SYN2: variants seen among roughly 807,000 people sequenced by gnomAD.
SYN2 encodes the protein synapsin-2.
Under a neutral mutation model 50.9 loss-of-function variants are expected in SYN2, and 19 were observed. The observed-to-expected ratio is 0.37, with a 90% CI of 0.26 to 0.55. SYN2 has a LOEUF of 0.55. Among genes scored for constraint, SYN2 ranks in the 20% least tolerant of loss-of-function variants. The pLI is 0.81. For missense variants in SYN2, 587 were observed against 576.4 expected, an observed-to-expected ratio of 1.02 and a Z score of -0.19; for synonymous variants, 255 against 224.9, an observed-to-expected ratio of 1.13 and a Z score of -1.20.
intron 1 of SYN2, among the ~76,000 whole-genome samples, chr3:12,132,220 T>TA (rs1696811989): frequency 6.6e-6 from 1 of 152,092 alleles, no homozygotes; most frequent in African/African-American, 2.4e-5. Context: ...AGTAACTCTA[T>TA]AAACATTTCA....
At chr3:12,039,115 G>A (rs762651873) in intron 1 of SYN2, among the ~76,000 whole-genome samples, 1 of 152,082 alleles carries the variant, frequency 6.6e-6, no homozygotes, top group Non-Finnish European at 1.5e-5. Flanking sequence ...TATCATGAAA[G>A]GGTGTTGGAT....
At chr3:12,126,859 G>C (rs1000973804) in intron 1 of SYN2, among the ~76,000 whole-genome samples, 2 of 152,190 alleles carry the variant, frequency 1.3e-5, no homozygotes, top group Non-Finnish European at 2.9e-5. Flanking sequence ...TTTGGTGCTT[G>C]TACTTTAGAT....
intron 11 of SYN2, among the ~76,000 whole-genome samples, chr3:12,186,802 A>G (rs1327453894): frequency 6.6e-6 from 1 of 152,214 alleles, no homozygotes; most frequent in African/African-American, 2.4e-5. Flanking sequence ...GAACTTGCTC[A>G]ACCCTATTAT....
intron 1 of SYN2, among the ~76,000 whole-genome samples, chr3:12,131,982 TTTTTTC>T (rs146705889): frequency 0.011 from 1,601 of 151,972 alleles, 34 homozygotes; most frequent in East Asian, 0.091. Flanking sequence ...TCTCTCTGAT[TTTTTTC>T]TTTTTCTTTT....
intron 1 of SYN2, among the ~76,000 whole-genome samples, chr3:12,102,791 C>T (rs1196894105): frequency 6.6e-6 from 1 of 151,998 alleles, no homozygotes; most frequent in Non-Finnish European, 1.5e-5. Context: ...TGGCTTTATG[C>T]TTAGTTTTTT....
intron 1 of SYN2, among the ~76,000 whole-genome samples, chr3:12,126,639 C>G (rs1442658762): frequency 1.3e-5 from 2 of 152,154 alleles, no homozygotes; most frequent in Non-Finnish European, 2.9e-5. Context: ...TTCCTAGTTT[C>G]AAATCCTGAA....
rs941620542 is a variant in SYN2 at position 12,171,219 on chromosome 3, A to T, written c.1308+1313A>T. On this transcript the variant is annotated intron_variant, in intron 10 of 12. Coordinates refer to ENST00000621198, the MANE Select transcript of SYN2 (RefSeq NM_133625.6). Reference sequence around the variant, plus strand: ...AGTTAATTGCCTGTTAGAGATACAAACCCACTATTTAATTACTATATTTAA... The same window carrying T: ...AGTTAATTGCCTGTTAGAGATACAATCCCACTATTTAATTACTATATTTAA... Among the ~76,000 whole-genome samples the T allele has an allele frequency of 2.0e-5, 3 of 152,284 alleles. No individual in the cohort carries two copies. In the East Asian group the frequency reaches 5.8e-4, roughly 29 times the overall value.
At chr3:12,161,784 G>T (rs1260040922) in intron 6 of SYN2, 176 bp downstream of exon 6, 14 of 961,576 alleles carry the variant, frequency 1.5e-5, no homozygotes, top group Non-Finnish European at 2.0e-5. Flanking sequence ...TCAGTAAGCA[G>T]AATGCAAGCC....
At chr3:12,188,671 G>A (rs761865932) in intron 12 of SYN2, among the ~76,000 whole-genome samples, 5 of 152,100 alleles carry the variant, frequency 3.3e-5, no homozygotes, top group African/African-American at 4.8e-5. Flanking sequence ...CCAAGGTTGC[G>A]GGGCTCAGGT....
chr3:12,153,661 G>A, intron 5 of SYN2: 14 of 1,614,222 alleles, frequency 8.7e-6, no homozygotes, highest in Non-Finnish European at 1.2e-5. Flanking sequence ...TCTGTCCAGA[G>A]GCACTCGTTA....
chr3:12,028,591 C>T (rs936152079), intron 1 of SYN2, among the ~76,000 whole-genome samples: 2 of 145,932 alleles, frequency 1.4e-5, no homozygotes, highest in African/African-American at 5.4e-5. Flanking sequence ...GATGATATCT[C>T]ATAGTGGTTT....
intron 11 of SYN2, chr3:12,183,995 A>G (rs188497689): frequency 3.9e-4 from 383 of 986,298 alleles, no homozygotes; most frequent in Non-Finnish European, 4.5e-4. Flanking sequence ...TCAAACTTCC[A>G]TAGCTTCATC....
At chr3:12,037,185 A>G (rs1694516923) in intron 1 of SYN2, among the ~76,000 whole-genome samples, 1 of 152,214 alleles carries the variant, frequency 6.6e-6, no homozygotes, top group African/African-American at 2.4e-5. Flanking sequence ...AAAAAGATTT[A>G]GGCTCTTCCT....
At chr3:12,144,652 T>G (rs1311155162) in intron 3 of SYN2, among the ~76,000 whole-genome samples, 2 of 152,174 alleles carry the variant, frequency 1.3e-5, no homozygotes, top group African/African-American at 2.4e-5. Flanking sequence ...TATTTGTACC[T>G]TAGAAAAAGG....
chr3:12,169,722 A>AC, intron 9 of SYN2, 35 bp from the exon 10 acceptor site: 1 of 1,611,138 alleles, frequency 6.2e-7, no homozygotes, highest in Non-Finnish European at 8.5e-7. Flanking sequence ...ATGTTTCCAG[A>AC]CCCCTTTCCT....
intron 1 of SYN2, chr3:12,070,158 T>C (rs1283745495): frequency 3.1e-6 from 1 of 322,864 alleles, no homozygotes; most frequent in African/African-American, 2.2e-5. Context: ...TATCACACAG[T>C]CGCTGCCGCC....
Position 12,110,923 on chromosome 3 carries a change from G to A in SYN2, c.378-29728G>A, listed in dbSNP as rs140659699. Among the ~76,000 whole-genome samples the A allele has an allele frequency of 4.7e-4, 72 of 152,348 alleles. 1 individual carries two copies. The East Asian group carries it at 0.012, about 24-fold the overall frequency. ...CTCCTAGCCAGAAGGGACTTGCCTT[G>A]TCTTGGATGAGACTTTGGACTGGAC... On this transcript the variant is annotated intron_variant, in intron 1 of 12. Transcript: ENST00000621198.
intron 1 of SYN2, among the ~76,000 whole-genome samples, chr3:12,100,777 A>G (rs573129355): frequency 6.6e-6 from 1 of 151,342 alleles, no homozygotes; most frequent in South Asian, 2.1e-4. Context: ...CTCAACCACA[A>G]CAAAAAACCC....
intron 1 of SYN2, among the ~76,000 whole-genome samples, chr3:12,128,485 G>A (rs188735287): frequency 1.3e-5 from 2 of 152,162 alleles, no homozygotes; most frequent in Admixed American, 6.5e-5. Flanking sequence ...CCTTCTTCAG[G>A]CTTCTGTTTC....
Sources: allele counts gnomAD v4.1 joint callset (sites outside exome capture counted in the v4.1 genomes callset), GRCh38; gene constraint gnomAD v4.1.1; transcripts MANE v1.5; gene names NCBI Gene and HGNC (gene_info 2026-07-23, HGNC 2026-07-21).